Variants in FRMD4B observed in about 807,000 individuals in gnomAD.
FRMD4B encodes the protein FERM domain containing 4B.
Under a neutral mutation model 141.5 loss-of-function variants are expected in FRMD4B, and 74 were observed. That is an observed-to-expected ratio of 0.52 (90% CI 0.43 to 0.63). The LOEUF is 0.63. Ranked by LOEUF, FRMD4B falls within the 30% of genes least tolerant of loss-of-function variation. The pLI, the probability that FRMD4B is intolerant of heterozygous loss-of-function variation, is 0.00. For missense variants in FRMD4B, 1,366 were observed against 1,253.4 expected (o/e 1.09, Z -1.36); for synonymous variants, 506 against 467.9 (o/e 1.08, Z -1.05).
chr3:69,501,346 G>C (rs1164309865), intron 1 of FRMD4B, among the ~76,000 whole-genome samples: 3 of 150,892 alleles, frequency 2.0e-5, no homozygotes, highest in African/African-American at 7.3e-5. Flanking sequence ...GACATCCCTG[G>C]TATATGGCAT....
intron 1 of FRMD4B, among the ~76,000 whole-genome samples, chr3:69,443,594 T>C (rs1326262863): frequency 6.6e-6 from 1 of 152,174 alleles, no homozygotes; most frequent in Non-Finnish European, 1.5e-5. Flanking sequence ...GACTGAGCCC[T>C]TAACCTGTGA....
chr3:69,488,834 A>C (rs926410185), intron 1 of FRMD4B, among the ~76,000 whole-genome samples: 4 of 144,886 alleles, frequency 2.8e-5, no homozygotes, highest in Non-Finnish European at 6.0e-5. Flanking sequence ...CAGAGGTTGC[A>C]GTGAGCCGAG....
At chr3:69,362,703 C>CT (rs1470688453) in intron 1 of FRMD4B, among the ~76,000 whole-genome samples, 1 of 63,214 alleles carries the variant, frequency 1.6e-5, no homozygotes, top group Non-Finnish European at 2.7e-5. Context: ...AAAGCCAACC[C>CT]CCCCCCCAAA....
At chr3:69,481,751 G>A (rs1489512386) in intron 1 of FRMD4B, among the ~76,000 whole-genome samples, 1 of 152,042 alleles carries the variant, frequency 6.6e-6, no homozygotes, top group Non-Finnish European at 1.5e-5. Flanking sequence ...AATCTTTAGG[G>A]CCCCACATTC....
intron 1 of FRMD4B, chr3:69,322,936 G>A (rs1319232457): frequency 9.6e-6 from 4 of 417,768 alleles, no homozygotes; most frequent in African/African-American, 8.7e-5. Flanking sequence ...CAGAGGTTAA[G>A]TGGTGCCTGG....
In FRMD4B at chr3:69,419,617, C is replaced by T. The variant is rs1704935352; in HGVS notation, c.-1+13017G>A. Among the ~76,000 whole-genome samples the T allele has an allele frequency of 4.6e-5, 7 of 152,196 alleles. No individual in the cohort carries two copies. The South Asian group carries it at 1.4e-3, about 31-fold the overall frequency. On this transcript the variant is annotated intron_variant, in intron 2 of 5. Coordinates refer to the FRMD4B transcript ENST00000459638. ...AAGCCCAAAGGAAAACTGGGACTCTCTTACCAGAATGGGGATTGGATACTG... is the reference window on the plus strand; with the variant it reads ...AAGCCCAAAGGAAAACTGGGACTCTTTTACCAGAATGGGGATTGGATACTG...
intron 1 of FRMD4B, among the ~76,000 whole-genome samples, chr3:69,341,945 C>G (rs750934834): frequency 6.6e-6 from 1 of 152,144 alleles, no homozygotes; most frequent in Non-Finnish European, 1.5e-5. Context: ...TGTAGCAGCA[C>G]AAAATGGACT....
chr3:69,327,959 G>A (rs907909156), intron 1 of FRMD4B, among the ~76,000 whole-genome samples: 4 of 152,156 alleles, frequency 2.6e-5, no homozygotes, highest in Non-Finnish European at 5.9e-5. Flanking sequence ...AAGCCAATGT[G>A]GGATTCAACG....
At chr3:69,174,199 GC>G (rs1011517864) in intron 22 of FRMD4B, among the ~76,000 whole-genome samples, 3 of 151,570 alleles carry the variant, frequency 2.0e-5, no homozygotes, top group African/African-American at 7.3e-5. Context: ...AAATCTAAAA[GC>G]CTCTCAAAAA....
chr3:69,240,482 C>CAAAAAAAAA (rs11344881), intron 7 of FRMD4B, among the ~76,000 whole-genome samples: 2 of 72,434 alleles, frequency 2.8e-5, no homozygotes, highest in African/African-American at 5.6e-5. Flanking sequence ...GACTCTGTCT[C>CAAAAAAAAA]AAAAAAAAAA....
chr3:69,389,652 G>A (rs1157051821), upstream of FRMD4B, among the ~76,000 whole-genome samples: 2 of 152,216 alleles, frequency 1.3e-5, no homozygotes, highest in South Asian at 2.1e-4. Context: ...GAAGAAGTTC[G>A]AAGGTCAAGA....
chr3:69,322,190 A>G (rs1010698833), intron 1 of FRMD4B, among the ~76,000 whole-genome samples: 2 of 152,210 alleles, frequency 1.3e-5, no homozygotes, highest in East Asian at 3.8e-4. Context: ...AGAAGGATGT[A>G]TCTAGGACGT....
At chr3:69,379,494 G>T (rs969305464) in intron 1 of FRMD4B, among the ~76,000 whole-genome samples, 4 of 152,140 alleles carry the variant, frequency 2.6e-5, no homozygotes, top group Non-Finnish European at 5.9e-5. Context: ...GCCCAGGCTG[G>T]TCTCAAACTC....
At chr3:69,524,185 TTAA>T (rs1700898557) in intron 1 of FRMD4B, among the ~76,000 whole-genome samples, 2 of 152,226 alleles carry the variant, frequency 1.3e-5, no homozygotes, top group South Asian at 4.1e-4. Context: ...TTATGAATAA[TTAA>T]TAATGATACA....
chr3:69,342,317 T>G (rs145432377), intron 1 of FRMD4B, among the ~76,000 whole-genome samples: 1 of 152,184 alleles, frequency 6.6e-6, no homozygotes, highest in African/African-American at 2.4e-5. Context: ...CCAGACAAAG[T>G]GCAGAGTCAA....
At chr3:69,272,927 T>C (rs550735374) in intron 5 of FRMD4B, among the ~76,000 whole-genome samples, 19 of 152,318 alleles carry the variant, frequency 1.2e-4, no homozygotes, top group Middle Eastern at 3.4e-3. Flanking sequence ...TCTACAAAAG[T>C]ATGAAAATAT....
chr3:69,314,212 G>T (rs1337874745), intron 1 of FRMD4B, among the ~76,000 whole-genome samples: 2 of 93,580 alleles, frequency 2.1e-5, no homozygotes, highest in African/African-American at 9.5e-5. Flanking sequence ...ATTTTTCCTG[G>T]AATTAATGTT....
chr3:69,528,071 A>G (rs1318535091), intron 1 of FRMD4B, among the ~76,000 whole-genome samples: 1 of 152,202 alleles, frequency 6.6e-6, no homozygotes, highest in African/African-American at 2.4e-5. Flanking sequence ...ATTCTTCCAG[A>G]AACCCACAGC....
chr3:69,431,340 T>C (rs1005730920), intron 2 of FRMD4B, among the ~76,000 whole-genome samples: 6 of 152,252 alleles, frequency 3.9e-5, no homozygotes, highest in African/African-American at 1.4e-4. Flanking sequence ...GTAGCTTTTT[T>C]CTATCTGTGC....
Sources: gnomAD v4.1 joint callset for allele counts (sites outside exome capture counted in the v4.1 genomes callset) on GRCh38, gnomAD v4.1.1 for gene constraint, MANE v1.5 for transcripts, NCBI Gene and HGNC (gene_info 2026-07-23, HGNC 2026-07-21) for gene names.